Variants in PRKN observed in about 807,000 individuals in gnomAD.
PRKN encodes E3 ubiquitin-protein ligase parkin.
PRKN carries 56 observed loss-of-function variants against 59.5 expected under a neutral mutation model. The ratio of observed to expected loss-of-function variants is 0.94; its 90% CI spans 0.76 to 1.18. The LOEUF is 1.18. Ranked by LOEUF, PRKN falls within the 50% of genes most tolerant of loss-of-function variation. The pLI, the probability that PRKN is intolerant of heterozygous loss-of-function variation, is 0.00. For missense variants in PRKN, 657 were observed against 596.4 expected (o/e 1.10, Z -1.06); for synonymous variants, 250 against 222.1 (o/e 1.13, Z -1.12).
chr6:161,748,971 A>T (rs1307276425), intron 7 of PRKN, among the ~76,000 whole-genome samples: 1 of 152,134 alleles, frequency 6.6e-6, no homozygotes, highest in Non-Finnish European at 1.5e-5. Flanking sequence ...AACAAAACAA[A>T]CCAACCCGCC....
At chr6:162,648,756 G>C (rs779850096) in intron 1 of PRKN, among the ~76,000 whole-genome samples, 2 of 152,120 alleles carry the variant, frequency 1.3e-5, no homozygotes, top group African/African-American at 2.4e-5. Flanking sequence ...TGATCTCATA[G>C]AGTGTGCACA....
In PRKN at chr6:161,533,287, G is replaced by A. The variant is rs1372472042; in HGVS notation, c.1083+15567C>T. Reference sequence around the variant, plus strand: ...GTAAAGAAATTACTTGGGCAGTGAGGGTATGGAAGTCCTCAGTAAGGTTTT... The same window carrying A: ...GTAAAGAAATTACTTGGGCAGTGAGAGTATGGAAGTCCTCAGTAAGGTTTT... On this transcript the variant is annotated intron_variant, in intron 9 of 11. Transcript: ENST00000366898. This position sits in a 1 kb window ranked among gnomAD's most constrained non-coding sequence, Gnocchi z 4.1. Among the ~76,000 whole-genome samples, 1 of 152,092 alleles carries A rather than the reference G, an allele frequency of 6.6e-6. No homozygotes were observed. Among genetic ancestry groups the A allele is most frequent in the East Asian group, 1.9e-4 (1 of 5,192 alleles).
rs1554277340 is a variant in PRKN at position 161,567,037 on chromosome 6, TTGTG to T, written c.933+2314_933+2317del. 2.7e-3 allele frequency among the ~76,000 whole-genome samples: 277 copies of T among 103,584 alleles called. 8 individuals are homozygous for T. The highest frequency in any genetic ancestry group is 0.015 in the Middle Eastern group (3 of 200). The allele number at this position is 103,584 out of a possible 152,430, so 68.0% of individuals were successfully genotyped here. On this transcript the variant is annotated intron_variant, in intron 8 of 11. Transcript: ENST00000366898. ...CACTGTCCTTGTTTTTTTTTTTTTTTTGTGTGTGTGTGTGTGTGTGTGAGAGAGG... is the reference window on the plus strand; with the variant it reads ...CACTGTCCTTGTTTTTTTTTTTTTTTTGTGTGTGTGTGTGTGTGAGAGAGG...
At chr6:162,579,924 G>A (rs1466634905) in intron 1 of PRKN, among the ~76,000 whole-genome samples, 1 of 152,148 alleles carries the variant, frequency 6.6e-6, no homozygotes, top group African/African-American at 2.4e-5. Context: ...CCCCAGATGG[G>A]TGATACCCCA....
At chr6:161,620,787 A>C (rs1423961931) in intron 7 of PRKN, among the ~76,000 whole-genome samples, 1 of 152,232 alleles carries the variant, frequency 6.6e-6, no homozygotes, top group Non-Finnish European at 1.5e-5. Context: ...CTATGTTAAA[A>C]AACCTTCAAG....
chr6:162,587,353 C>T (rs968990544), intron 1 of PRKN, among the ~76,000 whole-genome samples: 7 of 152,100 alleles, frequency 4.6e-5, no homozygotes, highest in South Asian at 2.1e-4. Flanking sequence ...CCAGGCTGGT[C>T]TCGAACTCCC....
At chr6:162,023,183 T>G (rs1294013543) in intron 5 of PRKN, among the ~76,000 whole-genome samples, 1 of 151,774 alleles carries the variant, frequency 6.6e-6, no homozygotes, top group Non-Finnish European at 1.5e-5. Context: ...TGTCTCGGGG[T>G]GACTGTTTAC....
rs138124468 is a variant in PRKN at position 162,056,595 on chromosome 6, C to T, written c.535-2421G>A. On this transcript the variant is annotated intron_variant, in intron 4 of 11. Transcript: ENST00000366898. The surrounding 1 kb of genome is among the most constrained non-coding windows in gnomAD (Gnocchi z 4.9). Reference sequence around the variant, plus strand: ...AAGAGTTCTAGCAGGACTGAAGCTGCGATGGTTTGAAAAGCCTGCTTTCAA... The same window carrying T: ...AAGAGTTCTAGCAGGACTGAAGCTGTGATGGTTTGAAAAGCCTGCTTTCAA... 2.2e-4 allele frequency among the ~76,000 whole-genome samples: 34 copies of T among 152,224 alleles called. No individual in the cohort carries two copies. In the South Asian group the frequency reaches 5.0e-3, roughly 22 times the overall value.
intron 6 of PRKN, among the ~76,000 whole-genome samples, chr6:161,930,681 T>A (rs1779140190): frequency 6.6e-6 from 1 of 152,260 alleles, no homozygotes; most frequent in African/African-American, 2.4e-5. Context: ...AGGAATATGT[T>A]ACTTTACATG....
At chr6:162,277,739 A>G (rs1299524016) in intron 2 of PRKN, among the ~76,000 whole-genome samples, 1 of 152,174 alleles carries the variant, frequency 6.6e-6, no homozygotes. Flanking sequence ...ATACCACTAC[A>G]CACCAATTAG....
intron 5 of PRKN, among the ~76,000 whole-genome samples, chr6:162,039,621 G>A (rs930744307): frequency 4.6e-5 from 7 of 152,192 alleles, no homozygotes; most frequent in South Asian, 2.1e-4. Context: ...AGATGCCAGC[G>A]CCATGCTTCT....
chr6:161,988,932 A>G (rs940237674), intron 5 of PRKN, among the ~76,000 whole-genome samples: 1 of 152,228 alleles, frequency 6.6e-6, no homozygotes, highest in African/African-American at 2.4e-5. Context: ...AAAAATATTT[A>G]CAATGAGCTT....
At chr6:162,370,239 G>A (rs569465112) in intron 2 of PRKN, among the ~76,000 whole-genome samples, 1 of 152,130 alleles carries the variant, frequency 6.6e-6, no homozygotes, top group Non-Finnish European at 1.5e-5. Context: ...TTTGTGACAA[G>A]GTGGGATCAC....
chr6:161,561,953 G>A lies in PRKN; in HGVS notation c.933+7402C>T, dbSNP rs890886208. ...ATGGTCATTCGTGACTTTTGCCACAGTGTCACAGGCGAAGGACGCTCCCTG... is the reference window on the plus strand; with the variant it reads ...ATGGTCATTCGTGACTTTTGCCACAATGTCACAGGCGAAGGACGCTCCCTG... On this transcript the variant is annotated intron_variant, in intron 8 of 11. Transcript: ENST00000366898. The surrounding 1 kb of genome is among the most constrained non-coding windows in gnomAD (Gnocchi z 5.0). Among the ~76,000 whole-genome samples, 3 of 152,032 alleles carry A rather than the reference G, an allele frequency of 2.0e-5. No individual in the cohort carries two copies. The highest frequency in any genetic ancestry group is 7.3e-5 in the African/African-American group (3 of 41,374).
chr6:162,610,722 T>A (rs1782112117), intron 1 of PRKN, among the ~76,000 whole-genome samples: 1 of 152,138 alleles, frequency 6.6e-6, no homozygotes, highest in African/African-American at 2.4e-5. Flanking sequence ...CTATCTAGAT[T>A]AGCAATATTT....
At chr6:161,912,081 G>A (rs1778383091) in intron 6 of PRKN, among the ~76,000 whole-genome samples, 1 of 151,796 alleles carries the variant, frequency 6.6e-6, no homozygotes, top group African/African-American at 2.4e-5. Flanking sequence ...GGGAGGCTGA[G>A]GCAGGAGAAT....
intron 7 of PRKN, among the ~76,000 whole-genome samples, chr6:161,622,130 G>A (rs1464940784): frequency 6.6e-6 from 1 of 152,112 alleles, no homozygotes; most frequent in Non-Finnish European, 1.5e-5. Flanking sequence ...TGAGTGAGAG[G>A]AGGGGTCCCC....
At position 161,874,966 on chromosome 6, in the gene PRKN, ATATAATT is replaced by A. The variant is rs1173764411; in HGVS notation, c.735-89065_735-89059del. Among the ~76,000 whole-genome samples, 29 of 96,010 alleles carry A rather than the reference ATATAATT, an allele frequency of 3.0e-4. 4 individuals carry two copies. Among genetic ancestry groups the A allele is most frequent in the African/African-American group, 1.4e-3 (26 of 18,528 alleles). The allele number at this position is 96,010 out of a possible 152,430, so 63.0% of individuals were successfully genotyped here. On this transcript the variant is annotated intron_variant, in intron 6 of 11. Coordinates refer to ENST00000366898, the MANE Select transcript of PRKN (RefSeq NM_004562.3). ...ATATTATAGGTACTTTATATATAAT[ATATAATT>A]TATTATATTATATACTTTATATATA...
chr6:162,254,858 C>T (rs570141069), intron 3 of PRKN, among the ~76,000 whole-genome samples: 48 of 152,082 alleles, frequency 3.2e-4, no homozygotes, highest in African/African-American at 1.1e-3. Context: ...AAAAAGAGTA[C>T]TACATTTCCC....
Sources: gnomAD v4.1 joint callset for allele counts (sites outside exome capture counted in the v4.1 genomes callset) on GRCh38, gnomAD v4.1.1 for gene constraint, Gnocchi (gnomAD v3.1) non-coding constraint, MANE v1.5 for transcripts, NCBI Gene and HGNC (gene_info 2026-07-23, HGNC 2026-07-21) for gene names.